CDH23: variants seen among roughly 807,000 people sequenced by gnomAD.
CDH23 encodes cadherin related 23.
CDH23 carries 189 observed loss-of-function variants against 317.1 expected under a neutral mutation model. That is an observed-to-expected ratio of 0.60 (90% CI 0.53 to 0.67). The LOEUF is 0.67. Ranked by LOEUF, CDH23 falls within the 30% of genes least tolerant of loss-of-function variation. CDH23 has a pLI of 0.00. For synonymous variants in CDH23, 1,839 were observed against 1,876.8 expected, an observed-to-expected ratio of 0.98 and a Z score of 0.52; for missense variants, 4,401 against 4,592.4, an observed-to-expected ratio of 0.96 and a Z score of 1.20.
chr10:71,613,578 C>T (rs1861027728), intron 9 of CDH23, among the ~76,000 whole-genome samples: 2 of 152,218 alleles, frequency 1.3e-5, no homozygotes, highest in African/African-American at 4.8e-5. Flanking sequence ...AAGTAAGCTG[C>T]CTTGCTGACC....
At position 71,740,941 on chromosome 10, in the gene CDH23, T is replaced by C. The variant is rs898471833; in HGVS notation, c.4608T>C (p.Ser1536=). Residue 1536 remains serine, a synonymous_variant, in exon 37 of 70, where the codon AGT becomes AGC. Transcript: ENST00000224721. ...VIESPFGYNV[S]VNENVGGGTA... ...AGAGCCCCTTTGGATACAATGTCAGTGTGAATGAGGTGAGGGCAGCCCCGG... is the reference window on the plus strand; with the variant it reads ...AGAGCCCCTTTGGATACAATGTCAGCGTGAATGAGGTGAGGGCAGCCCCGG... 2.5e-6 allele frequency: 4 copies of C among 1,613,760 alleles called. No homozygotes were observed. Among genetic ancestry groups the C allele is most frequent in the Admixed American group, 3.3e-5 (2 of 60,014 alleles).
At chr10:71,715,418 A>G (rs1866167321) in intron 28 of CDH23, 1 of 152,368 alleles carries the variant, frequency 6.6e-6, no homozygotes, top group Non-Finnish European at 1.5e-5. Flanking sequence ...TGCTGGCAGC[A>G]CCCGGGAAAC....
chr10:71,750,456 G>C (rs1294933741), intron 38 of CDH23: 1 of 152,342 alleles, frequency 6.6e-6, no homozygotes, highest in African/African-American at 2.4e-5. Flanking sequence ...CGGGGGGCAG[G>C]TGCCCCTCTC....
intron 11 of CDH23, among the ~76,000 whole-genome samples, chr10:71,619,199 A>G (rs1346379712): frequency 6.6e-6 from 1 of 151,892 alleles, no homozygotes; most frequent in Non-Finnish European, 1.5e-5. Context: ...GCCAGGCATG[A>G]TGGTGTGCAC....
chr10:71,786,640 T>C lies in CDH23; in HGVS notation c.5820+902T>C, dbSNP rs190416257. On this transcript the variant is annotated intron_variant, in intron 44 of 69. Transcript: ENST00000224721. ...AGTCTCCCGAGTAGCTAGGATTACA[T>C]GCACACGCCACCTTGCCCGGCTAAT... is the stretch of plus-strand genomic sequence containing the variant. 1.1e-4 allele frequency among the ~76,000 whole-genome samples: 16 copies of C among 151,976 alleles called. No homozygotes were observed. The East Asian group carries it at 3.1e-3, about 29-fold the overall frequency.
At chr10:71,798,670 C>A in intron 50 of CDH23, 92 bp downstream of exon 50, 1 of 1,025,496 alleles carries the variant, frequency 9.8e-7, no homozygotes, top group Non-Finnish European at 1.4e-6. Flanking sequence ...TGTGGCTCCT[C>A]AGTGGACTGG....
At chr10:71,788,189 A>G (rs1841152648) in intron 44 of CDH23, among the ~76,000 whole-genome samples, 1 of 152,142 alleles carries the variant, frequency 6.6e-6, no homozygotes, top group Admixed American at 6.6e-5. Context: ...CTGGGATTAC[A>G]GGTGTAAGCC....
intron 21 of CDH23, among the ~76,000 whole-genome samples, chr10:71,694,918 C>T (rs1210534945): frequency 6.6e-6 from 1 of 152,226 alleles, no homozygotes; most frequent in Non-Finnish European, 1.5e-5. Flanking sequence ...GCCAGAGAGG[C>T]TGGAGACGGT....
At chr10:71,493,763 T>A (rs764357371) in intron 3 of CDH23, among the ~76,000 whole-genome samples, 3 of 152,238 alleles carry the variant, frequency 2.0e-5, no homozygotes, top group Non-Finnish European at 4.4e-5. Context: ...GGAACGTTTT[T>A]TCACAGAGCA....
chr10:71,701,981 C>G (rs1865604507), intron 22 of CDH23, 41 bp from the exon 23 acceptor site: 3 of 1,605,040 alleles, frequency 1.9e-6, no homozygotes. Flanking sequence ...ACACCCTCCC[C>G]AGGCGCGGCT....
chr10:71,524,766 G>A (rs368562687), intron 6 of CDH23, among the ~76,000 whole-genome samples: 1 of 152,180 alleles, frequency 6.6e-6, no homozygotes, highest in South Asian at 2.1e-4. Context: ...ATCTGAGGTT[G>A]TTATGTTGCT....
intron 1 of CDH23, among the ~76,000 whole-genome samples, chr10:71,437,332 C>A (rs570671885): frequency 6.6e-6 from 1 of 152,266 alleles, no homozygotes; most frequent in South Asian, 2.1e-4. Context: ...GAGATGTTCG[C>A]GGTGGCATTG....
At chr10:71,433,433 G>A (rs1849485668) in intron 1 of CDH23, among the ~76,000 whole-genome samples, 1 of 152,192 alleles carries the variant, frequency 6.6e-6, no homozygotes, top group African/African-American at 2.4e-5. Context: ...TTCAAAGACG[G>A]ACTGATTCTC....
In CDH23 at chr10:71,746,762, A is replaced by G. The variant is rs575608244; in HGVS notation, c.4845+4841A>G. ...TGAATTGCAGCCAACCGATACTACTATTCCAGATAAGAAGCCCTGGCTTCT... is the reference window on the plus strand; with the variant it reads ...TGAATTGCAGCCAACCGATACTACTGTTCCAGATAAGAAGCCCTGGCTTCT... On this transcript the variant is annotated intron_variant, in intron 38 of 69. Coordinates refer to ENST00000224721, the MANE Select transcript of CDH23 (RefSeq NM_022124.6). 2.6e-5 allele frequency among the ~76,000 whole-genome samples: 4 copies of G among 152,276 alleles called. No individual in the cohort carries two copies. In the South Asian group the frequency reaches 8.3e-4, roughly 32 times the overall value.
chr10:71,806,125 C>G, intron 56 of CDH23, 43 bp from the exon 57 acceptor site: 24 of 1,538,958 alleles, frequency 1.6e-5, no homozygotes, highest in Non-Finnish European at 2.1e-5. Flanking sequence ...AAGCCAATCC[C>G]CTCTCCCAGT....
At chr10:71,665,904 A>T (rs1239576842) in intron 14 of CDH23, among the ~76,000 whole-genome samples, 1 of 152,208 alleles carries the variant, frequency 6.6e-6, no homozygotes, top group Non-Finnish European at 1.5e-5. Flanking sequence ...GTCCAACAGG[A>T]TAGCAAAGAT....
chr10:71,565,844 C>T (rs1392820104), intron 6 of CDH23, among the ~76,000 whole-genome samples: 1 of 152,228 alleles, frequency 6.6e-6, no homozygotes, highest in East Asian at 1.9e-4. Flanking sequence ...AACAAATGGT[C>T]TGTCCATCCC....
intron 14 of CDH23, among the ~76,000 whole-genome samples, chr10:71,668,712 C>T (rs924800827): frequency 6.6e-6 from 1 of 152,214 alleles, no homozygotes; most frequent in African/African-American, 2.4e-5. Flanking sequence ...CACCCTCTTG[C>T]CCCTTCCCCT....
intron 9 of CDH23, among the ~76,000 whole-genome samples, chr10:71,584,505 A>C (rs1263780407): frequency 6.6e-6 from 1 of 150,706 alleles, no homozygotes; most frequent in Non-Finnish European, 1.5e-5. Context: ...AATATACTGA[A>C]ATACATGAAA....
Sources: gnomAD v4.1 joint callset for allele counts (sites outside exome capture counted in the v4.1 genomes callset) on GRCh38, gnomAD v4.1.1 for gene constraint, MANE v1.5 for transcripts, NCBI Gene and HGNC (gene_info 2026-07-23, HGNC 2026-07-21) for gene names.